Variants in DOCK1 observed in about 807,000 individuals in gnomAD.
The protein encoded by DOCK1 is dedicator of cytokinesis 1.
Under a neutral mutation model 262.7 loss-of-function variants are expected in DOCK1, and 138 were observed. That is an observed-to-expected ratio of 0.53 (90% CI 0.46 to 0.61). The LOEUF is 0.61. DOCK1 is among the 20% of genes least tolerant of loss of function. The probability of loss-of-function intolerance (pLI) is 0.00; values close to 1 mark genes in which losing one functional copy is unlikely to be tolerated. For missense variants in DOCK1, 1,908 were observed against 2,370.7 expected, an observed-to-expected ratio of 0.80 and a Z score of 4.05; for synonymous variants, 866 against 867.4, an observed-to-expected ratio of 1.00 and a Z score of 0.03.
At chr10:127,122,511 C>T (rs924721497) in intron 25 of DOCK1, among the ~76,000 whole-genome samples, 3 of 152,020 alleles carry the variant, frequency 2.0e-5, no homozygotes, top group African/African-American at 7.2e-5. Flanking sequence ...CTCATTTTGT[C>T]TCGACAGTTA....
At chr10:127,128,001 A>G (rs902989077) in intron 27 of DOCK1, 1 of 311,830 alleles carries the variant, frequency 3.2e-6, no homozygotes, top group East Asian at 5.3e-5. Context: ...AGCAAAAGAC[A>G]TGTATTTTCT....
In DOCK1 at chr10:126,995,562, G is replaced by C. The variant is rs2040129443; in HGVS notation, c.474-1186G>C. Among the ~76,000 whole-genome samples the C allele has an allele frequency of 6.6e-6, 1 of 152,220 alleles. No homozygotes were observed. Among genetic ancestry groups the C allele is most frequent in the Non-Finnish European group, 1.5e-5 (1 of 68,044 alleles). ...GGCTGAGGCAGGAGAATCAGGCAGG[G>C]AGGCTGCAGTGAGCCGAGATGGCGG... On this transcript the variant is annotated intron_variant, in intron 6 of 51. Transcript: ENST00000623213. The surrounding 1 kb of genome is among the most constrained non-coding windows in gnomAD (Gnocchi z 5.8).
chr10:126,955,943 T>C (rs2036701325), intron 1 of DOCK1, among the ~76,000 whole-genome samples: 1 of 152,106 alleles, frequency 6.6e-6, no homozygotes, highest in South Asian at 2.1e-4. Context: ...AGCCTTTGGG[T>C]GAGACCTGTC....
intron 31 of DOCK1, among the ~76,000 whole-genome samples, chr10:127,351,569 G>T (rs778617443): frequency 6.6e-6 from 1 of 152,082 alleles, no homozygotes; most frequent in Non-Finnish European, 1.5e-5. Context: ...ATGTCATTTT[G>T]CTTCTCTCCT....
chr10:126,907,977 T>C (rs2031175116), intron 1 of DOCK1, among the ~76,000 whole-genome samples: 1 of 152,206 alleles, frequency 6.6e-6, no homozygotes, highest in African/African-American at 2.4e-5. Context: ...CAGGAAATGC[T>C]AGGAAAGATG....
chr10:127,395,941 T>C (rs926709565), intron 38 of DOCK1, among the ~76,000 whole-genome samples: 1 of 152,206 alleles, frequency 6.6e-6, no homozygotes, highest in Non-Finnish European at 1.5e-5. Flanking sequence ...TGGAGGTCCT[T>C]TCATCCTTTC....
chr10:127,219,249 C>T (rs1019781132), intron 27 of DOCK1, among the ~76,000 whole-genome samples: 5 of 152,156 alleles, frequency 3.3e-5, no homozygotes, highest in African/African-American at 1.2e-4. Flanking sequence ...ATATTCTACA[C>T]ATCCCAACAA....
chr10:126,953,412 G>T (rs1419452106), intron 1 of DOCK1, among the ~76,000 whole-genome samples: 1 of 151,914 alleles, frequency 6.6e-6, no homozygotes, highest in African/African-American at 2.4e-5. Context: ...GGTGATGGTG[G>T]TGGTGGTAGT....
intron 11 of DOCK1, among the ~76,000 whole-genome samples, chr10:127,011,195 G>A (rs1047100058): frequency 6.6e-6 from 1 of 152,134 alleles, no homozygotes; most frequent in African/African-American, 2.4e-5. Flanking sequence ...TTGAAGTGTT[G>A]GAAACAAAAG....
At chr10:127,013,404 C>T (rs985801526) in intron 12 of DOCK1, 1 of 152,216 alleles carries the variant, frequency 6.6e-6, no homozygotes. Flanking sequence ...TGGAGTCACT[C>T]TCAGGCTGGG....
intron 23 of DOCK1, among the ~76,000 whole-genome samples, 185 bp downstream of exon 23, chr10:127,061,961 G>C (rs1469638804): frequency 6.1e-5 from 6 of 97,598 alleles, no homozygotes; most frequent in Admixed American, 1.6e-4. Context: ...TTTTGAGACA[G>C]AATCCTGCTC....
At chr10:126,998,666 A>C (rs2040380397) in intron 8 of DOCK1, 1 of 165,020 alleles carries the variant, frequency 6.1e-6, no homozygotes, top group Admixed American at 5.7e-5. Context: ...TTTTTTCTGC[A>C]AGATGATTGG....
intron 23 of DOCK1, among the ~76,000 whole-genome samples, chr10:127,086,091 G>A (rs2047178613): frequency 6.6e-6 from 1 of 152,168 alleles, no homozygotes. Flanking sequence ...CTCTTCAGGA[G>A]TTCGTGACTC....
At chr10:127,322,471 G>A (rs1293231162) in intron 29 of DOCK1, among the ~76,000 whole-genome samples, 1 of 152,150 alleles carries the variant, frequency 6.6e-6, no homozygotes, top group Admixed American at 6.5e-5. Context: ...TTACAGGAAT[G>A]AGCCACTGCA....
intron 27 of DOCK1, chr10:127,146,229 G>A (rs553992365): frequency 8.0e-6 from 2 of 249,998 alleles, no homozygotes; most frequent in Middle Eastern, 5.1e-4. Context: ...GGGACTATCA[G>A]TATAATTAGC....
Position 127,451,507 on chromosome 10 carries a change from G to C in DOCK1, c.*80G>C, listed in dbSNP as rs2070970785. The C allele has an allele frequency of 1.9e-6, 3 of 1,542,982 alleles. No individual in the cohort carries two copies. The East Asian group carries it at 7.4e-5, about 38-fold the overall frequency. ...TCCTTCTGTGTCCCCTGAGTCTGCTGTTTACCTCATTGGGCCTGTGATGTT... is the reference window on the plus strand; with the variant it reads ...TCCTTCTGTGTCCCCTGAGTCTGCTCTTTACCTCATTGGGCCTGTGATGTT... On this transcript the variant is annotated 3_prime_UTR_variant, in exon 52 of 52. Transcript: ENST00000623213.
chr10:126,984,703 G>A (rs2039237081), intron 4 of DOCK1, among the ~76,000 whole-genome samples: 2 of 152,130 alleles, frequency 1.3e-5, no homozygotes, highest in African/African-American at 4.8e-5. Context: ...AATAAAAATT[G>A]TATGTATTTA....
chr10:127,310,380 C>T (rs995580909), intron 29 of DOCK1, among the ~76,000 whole-genome samples: 9 of 151,972 alleles, frequency 5.9e-5, no homozygotes, highest in South Asian at 2.1e-4. Context: ...AGCTCTGCCC[C>T]GGCAGCTGAG....
intron 5 of DOCK1, among the ~76,000 whole-genome samples, chr10:126,989,174 G>A (rs1013087340): frequency 1.3e-5 from 2 of 151,982 alleles, no homozygotes; most frequent in African/African-American, 4.8e-5. Context: ...GTGGACAAGA[G>A]AAGGCAGCGT....
Sources: gnomAD v4.1 joint callset for allele counts (sites outside exome capture counted in the v4.1 genomes callset) on GRCh38, gnomAD v4.1.1 for gene constraint, Gnocchi (gnomAD v3.1) non-coding constraint, MANE v1.5 for transcripts, NCBI Gene and HGNC (gene_info 2026-07-23, HGNC 2026-07-21) for gene names.